Variants in SGCD observed in about 807,000 individuals in gnomAD.
SGCD encodes the protein sarcoglycan delta.
SGCD carries 18 observed loss-of-function variants against 36.6 expected under a neutral mutation model. The ratio of observed to expected loss-of-function variants is 0.49; its 90% CI spans 0.34 to 0.73. SGCD has a LOEUF of 0.73. SGCD is among the 30% of genes least tolerant of loss of function. The pLI is 0.01. For synonymous variants in SGCD, 133 were observed against 130.6 expected, an observed-to-expected ratio of 1.02 and a Z score of -0.12; for missense variants, 387 against 346.7, an observed-to-expected ratio of 1.12 and a Z score of -0.92.
chr5:156,068,818 A>G (rs1313181114), intron 1 of SGCD, among the ~76,000 whole-genome samples: 2 of 151,730 alleles, frequency 1.3e-5, no homozygotes, highest in Non-Finnish European at 2.9e-5. Flanking sequence ...TGCCATTCTA[A>G]CTGGTGTGAG....
At chr5:155,893,011 A>G (rs1278323910) in intron 1 of SGCD, among the ~76,000 whole-genome samples, 1 of 152,186 alleles carries the variant, frequency 6.6e-6, no homozygotes, top group Non-Finnish European at 1.5e-5. Context: ...CCAGGTACAA[A>G]GTTGCAATTG....
In SGCD at chr5:156,301,892, G is replaced by A. The variant is rs1402110302; in HGVS notation, c.-43-27642G>A. On this transcript the variant is annotated intron_variant, in intron 3 of 9. Coordinates refer to the SGCD transcript ENST00000517913. ...GAAGTTTTCTGTCAGATGTATTGAA[G>A]CTCCTTTTTATGTTATTTATTTTGT... 2.0e-5 allele frequency among the ~76,000 whole-genome samples: 3 copies of A among 151,624 alleles called. No individual in the cohort carries two copies. The East Asian group carries it at 5.8e-4, about 29-fold the overall frequency.
chr5:156,647,363 G>A, intron 6 of SGCD, 101 bp from the exon 7 acceptor site: 1 of 729,692 alleles, frequency 1.4e-6, no homozygotes, highest in South Asian at 1.8e-5. Context: ...ATGGGGTTGT[G>A]TAATGGATTC....
At chr5:156,248,346 C>A (rs1486298122) in intron 3 of SGCD, among the ~76,000 whole-genome samples, 3 of 152,016 alleles carry the variant, frequency 2.0e-5, no homozygotes, top group Admixed American at 6.6e-5. Context: ...ATGGTGAAAC[C>A]CCGTCTCTAT....
At chr5:156,361,560 C>T (rs1769794609) in intron 3 of SGCD, among the ~76,000 whole-genome samples, 1 of 152,198 alleles carries the variant, frequency 6.6e-6, no homozygotes, top group Admixed American at 6.5e-5. Flanking sequence ...CAACTTAAAA[C>T]ATTTGGAGAA....
chr5:156,242,213 T>A (rs1391855382), intron 3 of SGCD, among the ~76,000 whole-genome samples: 1 of 152,166 alleles, frequency 6.6e-6, no homozygotes, highest in Non-Finnish European at 1.5e-5. Context: ...AAATCTTAGG[T>A]GGATATCCAG....
intron 2 of SGCD, among the ~76,000 whole-genome samples, chr5:156,334,609 CTTTTT>C (rs35767339): frequency 9.5e-6 from 1 of 105,064 alleles, no homozygotes; most frequent in Non-Finnish European, 1.8e-5. Context: ...GGTCTATTTT[CTTTTT>C]TTTTTTTTTT....
At chr5:155,893,817 CA>C (rs929596751) in intron 1 of SGCD, among the ~76,000 whole-genome samples, 1 of 152,238 alleles carries the variant, frequency 6.6e-6, no homozygotes. Context: ...TGTACTTACA[CA>C]AACCTAGATG....
intron 3 of SGCD, among the ~76,000 whole-genome samples, chr5:156,155,074 A>G (rs1272377305): frequency 6.6e-6 from 1 of 151,712 alleles, no homozygotes; most frequent in Non-Finnish European, 1.5e-5. Flanking sequence ...ATGCGACAAT[A>G]ATAATCACAG....
At chr5:156,697,750 C>CGGACGGAT (rs1554130733) in intron 7 of SGCD, among the ~76,000 whole-genome samples, 28 of 149,162 alleles carry the variant, frequency 1.9e-4, no homozygotes, top group African/African-American at 6.2e-4. Flanking sequence ...GATGGACGGA[C>CGGACGGAT]GGATGGATGG....
At chr5:156,280,571 T>G (rs949337246) in intron 3 of SGCD, among the ~76,000 whole-genome samples, 3 of 152,216 alleles carry the variant, frequency 2.0e-5, no homozygotes, top group Non-Finnish European at 2.9e-5. Context: ...TTCTTCTCTC[T>G]TTGGGTTCTG....
At chr5:156,400,032 G>T (rs1289498075) in intron 3 of SGCD, among the ~76,000 whole-genome samples, 2 of 152,194 alleles carry the variant, frequency 1.3e-5, no homozygotes, top group African/African-American at 4.8e-5. Context: ...GAAATGGGGT[G>T]AGGAGGGTAA....
intron 1 of SGCD, among the ~76,000 whole-genome samples, chr5:156,006,461 C>G (rs759437224): frequency 3.3e-5 from 5 of 152,144 alleles, no homozygotes; most frequent in Non-Finnish European, 5.9e-5. Flanking sequence ...AATGCGTTGT[C>G]TGGTGGATTT....
chr5:156,146,999 C>G (rs891761593), intron 3 of SGCD, among the ~76,000 whole-genome samples: 160 of 152,060 alleles, frequency 1.1e-3, no homozygotes, highest in African/African-American at 3.7e-3. Context: ...GAGTCTCATA[C>G]AAATATATAA....
chr5:155,863,712 C>G, the SGCD span, among the ~76,000 whole-genome samples: 3 of 151,592 alleles, frequency 2.0e-5, no homozygotes, highest in African/African-American at 7.2e-5. Context: ...AGATGAAGGT[C>G]AGGATTCCCT....
At chr5:156,741,263 T>C (rs536505727) in intron 7 of SGCD, among the ~76,000 whole-genome samples, 42 of 152,348 alleles carry the variant, frequency 2.8e-4, no homozygotes, top group African/African-American at 9.1e-4. Flanking sequence ...GTAATCACTG[T>C]TTCAACAAAA....
At chr5:156,265,943 C>T (rs1408211838) in intron 3 of SGCD, among the ~76,000 whole-genome samples, 1 of 152,114 alleles carries the variant, frequency 6.6e-6, no homozygotes, top group Non-Finnish European at 1.5e-5. Flanking sequence ...ATGACTATTA[C>T]TGACAGACAT....
intron 4 of SGCD, among the ~76,000 whole-genome samples, chr5:156,548,937 A>G (rs904367985): frequency 2.0e-5 from 3 of 152,188 alleles, no homozygotes; most frequent in Non-Finnish European, 4.4e-5. Context: ...TAAACATCAC[A>G]GCACTTTCAA....
At chr5:155,905,812 C>T (rs981509856) in intron 1 of SGCD, among the ~76,000 whole-genome samples, 1 of 152,038 alleles carries the variant, frequency 6.6e-6, no homozygotes, top group Non-Finnish European at 1.5e-5. Context: ...CTCTTGCTGC[C>T]ACCATGTAAG....
Sources: allele counts gnomAD v4.1 joint callset (sites outside exome capture counted in the v4.1 genomes callset), GRCh38; gene constraint gnomAD v4.1.1; transcripts MANE v1.5; gene names NCBI Gene and HGNC (gene_info 2026-07-23, HGNC 2026-07-21).